Variants in COL21A1 observed in about 807,000 individuals in gnomAD.
The protein encoded by COL21A1 is collagen alpha-1(XXI) chain.
COL21A1 carries 149 observed loss-of-function variants against 137.9 expected under a neutral mutation model. That is an observed-to-expected ratio of 1.08 (90% CI 0.95 to 1.24). COL21A1 has a LOEUF of 1.24. Among genes scored for constraint, COL21A1 ranks in the 50% most tolerant of loss-of-function variants. The pLI is 0.00. For synonymous variants in COL21A1, 456 were observed against 391.5 expected (o/e 1.16, Z -1.95); for missense variants, 1,167 against 1,158.4 (o/e 1.01, Z -0.11).
chr6:56,122,298 T>C (rs1270951563), intron 16 of COL21A1, among the ~76,000 whole-genome samples: 1 of 150,470 alleles, frequency 6.6e-6, no homozygotes, highest in Admixed American at 6.7e-5. Context: ...GACCACTACA[T>C]GGGCATGCGG....
chr6:56,334,149 C>G (rs1015462497), intron 1 of COL21A1, among the ~76,000 whole-genome samples: 1 of 152,010 alleles, frequency 6.6e-6, no homozygotes, highest in Non-Finnish European at 1.5e-5. Context: ...AATTTGGGTC[C>G]TTTCTGTTAT....
chr6:56,311,534 C>A (rs535936097), intron 1 of COL21A1, among the ~76,000 whole-genome samples: 2 of 152,264 alleles, frequency 1.3e-5, no homozygotes, highest in African/African-American at 4.8e-5. Flanking sequence ...CCTGTAGTAC[C>A]ACTCCAGATT....
chr6:56,219,258 G>C (rs1780681537), intron 1 of COL21A1, among the ~76,000 whole-genome samples: 1 of 140,988 alleles, frequency 7.1e-6, no homozygotes, highest in African/African-American at 2.7e-5. Flanking sequence ...TCACTGTTTG[G>C]TGGTCTGCTG....
At chr6:56,163,538 G>A (rs1364940789) in intron 9 of COL21A1, among the ~76,000 whole-genome samples, 1 of 151,940 alleles carries the variant, frequency 6.6e-6, no homozygotes, top group East Asian at 1.9e-4. Context: ...GTGAAACCCC[G>A]TCTCTACTAA....
intron 1 of COL21A1, among the ~76,000 whole-genome samples, chr6:56,269,287 T>C (rs6459142): frequency 0.66 from 99,807 of 152,066 alleles, 33,644 homozygotes; most frequent in African/African-American, 0.78. Context: ...ACAAGATAAC[T>C]GTCCCCAAGA....
chr6:56,376,522 C>T (rs1161483373), intron 1 of COL21A1, among the ~76,000 whole-genome samples: 1 of 151,466 alleles, frequency 6.6e-6, no homozygotes, highest in Non-Finnish European at 1.5e-5. Context: ...AGAGTTTCAA[C>T]CTGCCAGAGA....
intron 12 of COL21A1, among the ~76,000 whole-genome samples, chr6:56,132,041 G>A (rs1055999202): frequency 2.0e-5 from 3 of 150,900 alleles, no homozygotes; most frequent in African/African-American, 4.9e-5. Context: ...ATGAGTAAGA[G>A]AAATGAATTC....
At chr6:56,061,793 A>C (rs1765820097) in intron 24 of COL21A1, 112 bp from the exon 25 acceptor site, 1 of 660,302 alleles carries the variant, frequency 1.5e-6, no homozygotes, top group South Asian at 2.7e-5. Context: ...TTTGGAAAAT[A>C]TTGATAGCAT....
At chr6:56,057,921 T>G in intron 29 of COL21A1, 77 bp from the exon 30 acceptor site, 1 of 1,013,976 alleles carries the variant, frequency 9.9e-7, no homozygotes, top group Non-Finnish European at 1.4e-6. Flanking sequence ...TGCAAGAAAC[T>G]TAAACTGAAA....
At chr6:56,080,516 A>G (rs981198184) in intron 17 of COL21A1, among the ~76,000 whole-genome samples, 4 of 151,836 alleles carry the variant, frequency 2.6e-5, no homozygotes, top group African/African-American at 9.7e-5. Context: ...ATACTTTGTA[A>G]TGAAGGGAAT....
At chr6:56,085,455 A>C (rs1192272097) in intron 17 of COL21A1, among the ~76,000 whole-genome samples, 1 of 152,114 alleles carries the variant, frequency 6.6e-6, no homozygotes, top group African/African-American at 2.4e-5. Context: ...ATATAATTTC[A>C]TATTATCATT....
intron 5 of COL21A1, among the ~76,000 whole-genome samples, chr6:56,169,038 C>T (rs951426235): frequency 1.3e-5 from 2 of 152,066 alleles, no homozygotes; most frequent in Non-Finnish European, 2.9e-5. Flanking sequence ...CATTTCCCTA[C>T]GTAATAGCAT....
intron 1 of COL21A1, among the ~76,000 whole-genome samples, chr6:56,273,371 T>TAACTA (rs55722566): frequency 0.49 from 74,387 of 151,368 alleles, 19,451 homozygotes; most frequent in East Asian, 0.85. Context: ...GCAGAAGAAA[T>TAACTA]AAATTAGAAA....
At chr6:56,328,491 T>C (rs1765149189) in intron 1 of COL21A1, among the ~76,000 whole-genome samples, 1 of 152,072 alleles carries the variant, frequency 6.6e-6, no homozygotes, top group African/African-American at 2.4e-5. Context: ...CATCAACTAT[T>C]CACTGATTAT....
chr6:56,189,100 AC>A (rs1198232559), intron 1 of COL21A1, among the ~76,000 whole-genome samples: 1 of 152,006 alleles, frequency 6.6e-6, no homozygotes, highest in Non-Finnish European at 1.5e-5. Context: ...AGGGAACAAA[AC>A]TGCGCAGAGA....
At chr6:56,095,152 C>T (rs968517454) in intron 17 of COL21A1, among the ~76,000 whole-genome samples, 1 of 152,000 alleles carries the variant, frequency 6.6e-6, no homozygotes, top group African/African-American at 2.4e-5. Flanking sequence ...TTCTAATTAT[C>T]CCAAAATATA....
intron 1 of COL21A1, among the ~76,000 whole-genome samples, chr6:56,283,184 A>G (rs1170399244): frequency 6.6e-6 from 1 of 152,114 alleles, no homozygotes; most frequent in Non-Finnish European, 1.5e-5. Context: ...GGGAATCAAG[A>G]CTTGCATAAA....
At chr6:56,231,257 C>T (rs147378219) in intron 1 of COL21A1, 5 of 151,792 alleles carry the variant, frequency 3.3e-5, no homozygotes, top group African/African-American at 9.7e-5. Context: ...ACTTGGTGTG[C>T]GATTTCTTAC....
intron 17 of COL21A1, among the ~76,000 whole-genome samples, chr6:56,082,461 A>C (rs1767872552): frequency 6.6e-6 from 1 of 151,998 alleles, no homozygotes; most frequent in Admixed American, 6.6e-5. Flanking sequence ...AAAGCCTGAA[A>C]AGTACCTACC....
Sources: gnomAD v4.1 joint callset for allele counts (sites outside exome capture counted in the v4.1 genomes callset) on GRCh38, gnomAD v4.1.1 for gene constraint, MANE v1.5 for transcripts, NCBI Gene and HGNC (gene_info 2026-07-23, HGNC 2026-07-21) for gene names.